The following ZDHHC20 variants were observed in gnomAD, a reference collection of about 807,000 sequenced individuals.
ZDHHC20 encodes zDHHC palmitoyltransferase 20, also known as palmitoyltransferase ZDHHC20.
In ZDHHC20, 43 loss-of-function variants were observed where a neutral mutation model predicts 57.8. The observed-to-expected ratio is 0.74, with a 90% confidence interval of 0.58 to 0.96. The LOEUF (loss-of-function observed/expected upper bound fraction) is 0.96. Among genes scored for constraint, ZDHHC20 ranks in the 40% least tolerant of loss-of-function variants. The probability of loss-of-function intolerance (pLI) is 0.00; values close to 1 mark genes in which losing one functional copy is unlikely to be tolerated. For synonymous variants in ZDHHC20, 157 were observed against 153.0 expected, an observed-to-expected ratio of 1.03 and a Z score of -0.19; for missense variants, 391 against 441.1, an observed-to-expected ratio of 0.89 and a Z score of 1.02.
At chr13:21,377,166 C>A (rs1448343436) in intron 12 of ZDHHC20, 2 of 197,378 alleles carry the variant, frequency 1.0e-5, no homozygotes, top group Non-Finnish European at 2.1e-5. Flanking sequence ...GTATGCGGGA[C>A]ACAGCTCCTC....
At chr13:21,429,879 A>C (rs1430765611) in intron 1 of ZDHHC20, among the ~76,000 whole-genome samples, 1 of 151,910 alleles carries the variant, frequency 6.6e-6, no homozygotes, top group East Asian at 1.9e-4. Flanking sequence ...TGCCCTCTCC[A>C]TTCTGCTGTT....
intron 1 of ZDHHC20, among the ~76,000 whole-genome samples, chr13:21,440,175 T>C (rs568683051): frequency 1.3e-5 from 2 of 150,924 alleles, no homozygotes; most frequent in Non-Finnish European, 1.5e-5. Flanking sequence ...CTCTCATACA[T>C]TTCAGAGAGA....
chr13:21,396,604 G>T (rs971736249), intron 7 of ZDHHC20, among the ~76,000 whole-genome samples: 1 of 152,198 alleles, frequency 6.6e-6, no homozygotes, highest in Non-Finnish European at 1.5e-5. Flanking sequence ...AGGCCGAGGT[G>T]GGTGGATCAC....
At chr13:21,381,305 A>G in intron 11 of ZDHHC20, 129 bp downstream of exon 11, 1 of 811,188 alleles carries the variant, frequency 1.2e-6, no homozygotes, top group Non-Finnish European at 1.9e-6. Flanking sequence ...CGCGCCCAGC[A>G]TATATTTAAA....
In ZDHHC20 at chr13:21,402,841, C is replaced by T. The variant is rs1877895371; in HGVS notation, c.396G>A (p.Gln132=). The change falls in exon 5 of 13, where the codon CAG becomes CAA. Residue 132 remains glutamine (Q), a synonymous_variant. Transcript: ENST00000400590. Reference sequence around the variant, plus strand: ...GATGCGCCCGATCAGGTTTAATCAGCTGACATTTTTCACAATATCTGATAG... The same window carrying T: ...GATGCGCCCGATCAGGTTTAATCAGTTGACATTTTTCACAATATCTGATAG... ...SKTIRYCEKC[Q]LIKPDRAHHC... 1 of 1,596,956 alleles carries T rather than the reference C, an allele frequency of 6.3e-7. No homozygotes were observed. The highest frequency in any genetic ancestry group is 8.5e-7 in the Non-Finnish European group (1 of 1,171,278).
intron 10 of ZDHHC20, among the ~76,000 whole-genome samples, chr13:21,382,427 G>A (rs1873583576): frequency 6.6e-6 from 1 of 152,038 alleles, no homozygotes; most frequent in Admixed American, 6.6e-5. Context: ...ATGTATGAAA[G>A]TTTACTTGCC....
At chr13:21,436,904 A>G (rs775988365) in intron 1 of ZDHHC20, among the ~76,000 whole-genome samples, 1 of 152,244 alleles carries the variant, frequency 6.6e-6, no homozygotes, top group Non-Finnish European at 1.5e-5. Flanking sequence ...AAGAAAATTA[A>G]AAGTACTACT....
intron 3 of ZDHHC20, among the ~76,000 whole-genome samples, chr13:21,417,550 C>T (rs974531944): frequency 3.3e-5 from 5 of 152,258 alleles, no homozygotes; most frequent in African/African-American, 9.6e-5. Flanking sequence ...AGCAATTCTC[C>T]TGCCTCAGCC....
At chr13:21,452,056 T>G (rs1481305165) in intron 1 of ZDHHC20, among the ~76,000 whole-genome samples, 1 of 152,116 alleles carries the variant, frequency 6.6e-6, no homozygotes, top group African/African-American at 2.4e-5. Flanking sequence ...CTTTTTAAAT[T>G]TTTCTTGGTT....
Position 21,405,600 on chromosome 13 carries a change from T to C in ZDHHC20, c.371-2734A>G, listed in dbSNP as rs560692223. The stretch of plus-strand genomic sequence containing the variant: ...TGCTTTTAGTGCACCTGTTTTCTGA[T>C]TGATGAGCAATGTGTAGGAGGTACT... On this transcript the variant is annotated intron_variant, in intron 4 of 12. Transcript: ENST00000400590. Among the ~76,000 whole-genome samples the C allele has an allele frequency of 1.3e-3, 191 of 152,300 alleles. 4 individuals carry two copies. In the South Asian group the frequency reaches 0.036, roughly 29 times the overall value.
intron 8 of ZDHHC20, 123 bp downstream of exon 8, chr13:21,391,599 C>A: frequency 9.2e-7 from 1 of 1,091,906 alleles, no homozygotes; most frequent in South Asian, 1.9e-5. Context: ...AGGCACGTGC[C>A]ACCAATTCCA....
intron 4 of ZDHHC20, among the ~76,000 whole-genome samples, chr13:21,411,048 G>C (rs570129560): frequency 6.6e-6 from 1 of 152,196 alleles, no homozygotes; most frequent in Non-Finnish European, 1.5e-5. Context: ...GAAAAGCATA[G>C]TGTCTGGGCC....
chr13:21,438,266 A>G (rs904382015), intron 1 of ZDHHC20, among the ~76,000 whole-genome samples: 1 of 152,222 alleles, frequency 6.6e-6, no homozygotes, highest in Non-Finnish European at 1.5e-5. Flanking sequence ...GGATCTAGGC[A>G]AACTACATTG....
intron 1 of ZDHHC20, among the ~76,000 whole-genome samples, chr13:21,429,847 C>T (rs191429283): frequency 1.3e-5 from 2 of 152,134 alleles, no homozygotes; most frequent in South Asian, 2.1e-4. Context: ...TCTTCAAGTT[C>T]ATTCACTTCA....
At chr13:21,407,046 T>A (rs533744844) in intron 4 of ZDHHC20, among the ~76,000 whole-genome samples, 1 of 152,244 alleles carries the variant, frequency 6.6e-6, no homozygotes, top group East Asian at 1.9e-4. Context: ...TGGAGTGCAG[T>A]GGCGTGATCT....
intron 6 of ZDHHC20, among the ~76,000 whole-genome samples, chr13:21,400,697 T>A (rs540474988): frequency 3.4e-4 from 51 of 152,196 alleles, no homozygotes; most frequent in Admixed American, 1.2e-3. Context: ...ACTACTGAAC[T>A]GTACCCTAAG....
intron 4 of ZDHHC20, among the ~76,000 whole-genome samples, chr13:21,407,332 G>A (rs1330910901): frequency 6.6e-6 from 1 of 152,154 alleles, no homozygotes; most frequent in East Asian, 1.9e-4. Flanking sequence ...TCTAACTGGT[G>A]TGAGATGGTA....
Position 21,429,858 on chromosome 13 carries a change from C to A in ZDHHC20, c.119-4180G>T, listed in dbSNP as rs538308073. ...TTTATCTTCAAGTTCATTCACTTCA[C>A]TTTTTTTCTCTGCCCTCTCCATTCT... is the stretch of plus-strand genomic sequence containing the variant. On this transcript the variant is annotated intron_variant, in intron 1 of 12. Transcript: ENST00000400590. Among the ~76,000 whole-genome samples the A allele has an allele frequency of 7.9e-5, 12 of 152,246 alleles. No homozygotes were observed. The East Asian group carries it at 2.3e-3, about 29-fold the overall frequency.
chr13:21,448,528 C>T (rs551376747), intron 1 of ZDHHC20, among the ~76,000 whole-genome samples: 2 of 98,268 alleles, frequency 2.0e-5, no homozygotes, highest in Non-Finnish European at 5.1e-5. Context: ...CACCTCTGCC[C>T]GGCCGCCCCT....
Sources: gnomAD v4.1 joint callset for allele counts (sites outside exome capture counted in the v4.1 genomes callset) on GRCh38, gnomAD v4.1.1 for gene constraint, MANE v1.5 for transcripts, NCBI Gene and HGNC (gene_info 2026-07-23, HGNC 2026-07-21) for gene names.